KHDRBS2: variants seen among roughly 807,000 people sequenced by gnomAD.
KHDRBS2 encodes the protein KH domain-containing, RNA-binding, signal transduction-associated protein 2.
A neutral mutation model predicts 44.3 loss-of-function variants in KHDRBS2; 26 were observed. That is an observed-to-expected ratio of 0.59 (90% CI 0.43 to 0.81). The LOEUF (loss-of-function observed/expected upper bound fraction) is 0.81. KHDRBS2 is among the 40% of genes least tolerant of loss of function. The pLI, the probability that KHDRBS2 is intolerant of heterozygous loss-of-function variation, is 0.00. For synonymous variants in KHDRBS2, 194 were observed against 151.1 expected (o/e 1.28, Z -2.08); for missense variants, 476 against 433.1 (o/e 1.10, Z -0.88).
chr6:61,688,012 T>C (rs2127540554), intron 8 of KHDRBS2, among the ~76,000 whole-genome samples: 1 of 151,980 alleles, frequency 6.6e-6, no homozygotes, highest in East Asian at 1.9e-4. Flanking sequence ...TTATTGTATT[T>C]AATAAATTGA....
intron 1 of KHDRBS2, among the ~76,000 whole-genome samples, chr6:62,178,528 A>C (rs1414935153): frequency 6.6e-6 from 1 of 151,532 alleles, no homozygotes; most frequent in African/African-American, 2.4e-5. Flanking sequence ...ATGCAAAATC[A>C]ATCACAGCAG....
the KHDRBS2 span, chr6:61,659,047 C>T: frequency 6.6e-6 from 1 of 151,740 alleles, no homozygotes; most frequent in Non-Finnish European, 1.5e-5. Flanking sequence ...AGAAAAGTTC[C>T]TAAATTATGG....
chr6:61,553,407 C>T, the KHDRBS2 span, among the ~76,000 whole-genome samples: 1 of 151,956 alleles, frequency 6.6e-6, no homozygotes, highest in Non-Finnish European at 1.5e-5. Flanking sequence ...CATTATTAGT[C>T]TAGCAAGTAG....
chr6:62,115,415 C>T (rs1331014554), intron 2 of KHDRBS2, among the ~76,000 whole-genome samples: 1 of 152,110 alleles, frequency 6.6e-6, no homozygotes, highest in Non-Finnish European at 1.5e-5. Context: ...TATTTATTGA[C>T]TTCAGAGAGA....
intron 1 of KHDRBS2, among the ~76,000 whole-genome samples, chr6:62,181,202 T>TGTTTAAGTCTTTA (rs1822211277): frequency 6.6e-6 from 1 of 151,764 alleles, no homozygotes. Context: ...AGTGGGATTA[T>TGTTTAAGTCTTTA]ATCAAACAAA....
intron 1 of KHDRBS2, among the ~76,000 whole-genome samples, chr6:62,259,010 C>G (rs1837894654): frequency 6.6e-6 from 1 of 151,966 alleles, no homozygotes; most frequent in Non-Finnish European, 1.5e-5. Flanking sequence ...TTTTCACTTA[C>G]CAAGGCACAG....
In KHDRBS2 at chr6:61,864,127, TC is replaced by T. The variant is rs1260133439; in HGVS notation, c.810+30507del. Reference sequence around the variant, plus strand: ...TTGCGATCCCTCTTTTTTCCTGTTTTCCATTTTTTCTCCTTCCCTTTATTTT... The same window carrying T: ...TTGCGATCCCTCTTTTTTCCTGTTTTCATTTTTTCTCCTTCCCTTTATTTT... On this transcript the variant is annotated intron_variant, in intron 6 of 8. Transcript: ENST00000281156. Among the ~76,000 whole-genome samples, 5 of 152,154 alleles carry T rather than the reference TC, an allele frequency of 3.3e-5. No individual in the cohort carries two copies. In the South Asian group the frequency reaches 6.2e-4, roughly 19 times the overall value.
chr6:61,589,200 T>C, the KHDRBS2 span, among the ~76,000 whole-genome samples: 1 of 152,120 alleles, frequency 6.6e-6, no homozygotes, highest in Non-Finnish European at 1.5e-5. Context: ...CTGTAACAAA[T>C]CTGCATGTTC....
chr6:62,002,388 T>C (rs1310816225), intron 3 of KHDRBS2, among the ~76,000 whole-genome samples: 1 of 151,930 alleles, frequency 6.6e-6, no homozygotes, highest in East Asian at 1.9e-4. Context: ...AGTATTGGGA[T>C]ACTTTTCTGA....
chr6:61,724,170 T>C (rs1294340396), intron 7 of KHDRBS2, among the ~76,000 whole-genome samples: 1 of 152,074 alleles, frequency 6.6e-6, no homozygotes, highest in East Asian at 1.9e-4. Context: ...TTCAATATTG[T>C]TAAAGAAAAG....
Position 62,078,025 on chromosome 6 carries a change from T to G in KHDRBS2, c.220-30031A>C, listed in dbSNP as rs573882284. Among the ~76,000 whole-genome samples, 10 of 152,208 alleles carry G rather than the reference T, an allele frequency of 6.6e-5. No individual in the cohort carries two copies. In the East Asian group the frequency reaches 1.9e-3, roughly 30 times the overall value. ...ATTTGAAAATGCACACGTAGCATCA[T>G]TACAATGGCATTTTTTTGTTGTTTT... is the stretch of plus-strand genomic sequence containing the variant. On this transcript the variant is annotated intron_variant, in intron 2 of 8. Coordinates refer to ENST00000281156, the MANE Select transcript of KHDRBS2 (RefSeq NM_152688.4).
At chr6:61,910,658 C>T (rs1431606820) in intron 4 of KHDRBS2, among the ~76,000 whole-genome samples, 3 of 152,140 alleles carry the variant, frequency 2.0e-5, no homozygotes, top group Non-Finnish European at 4.4e-5. Flanking sequence ...TTTGGCCACA[C>T]AAGGTTTTAA....
At chr6:62,043,408 G>T (rs1164610671) in intron 3 of KHDRBS2, among the ~76,000 whole-genome samples, 1 of 152,012 alleles carries the variant, frequency 6.6e-6, no homozygotes, top group Non-Finnish European at 1.5e-5. Context: ...ATTTCCTGAG[G>T]TATTTTGAAA....
rs1435860088 is a variant in KHDRBS2, at chr6:61,709,487, T to C, written c.894-12234A>G. On this transcript the variant is annotated intron_variant, in intron 7 of 8. Coordinates refer to ENST00000281156, the MANE Select transcript of KHDRBS2 (RefSeq NM_152688.4). ...CTCAAATAAGAAGGAAATATATTTATATATGCTTTTGCTTTTTGAATATAA... is the reference window on the plus strand; with the variant it reads ...CTCAAATAAGAAGGAAATATATTTACATATGCTTTTGCTTTTTGAATATAA... Among the ~76,000 whole-genome samples, 7 of 151,814 alleles carry C rather than the reference T, an allele frequency of 4.6e-5. No individual in the cohort carries two copies. The East Asian group carries it at 1.4e-3, about 30-fold the overall frequency.
At chr6:62,225,818 T>C (rs1353934277) in intron 1 of KHDRBS2, among the ~76,000 whole-genome samples, 1 of 152,076 alleles carries the variant, frequency 6.6e-6, no homozygotes, top group Non-Finnish European at 1.5e-5. Flanking sequence ...TTAGTTTACT[T>C]AGGATGATGG....
the KHDRBS2 span, among the ~76,000 whole-genome samples, chr6:61,544,995 G>A: frequency 1.3e-5 from 2 of 151,978 alleles, no homozygotes; most frequent in African/African-American, 4.8e-5. Flanking sequence ...ACGAGTTAAT[G>A]GGTGCAGCAC....
the KHDRBS2 span, among the ~76,000 whole-genome samples, chr6:61,600,820 C>G: frequency 2.0e-5 from 3 of 152,198 alleles, no homozygotes; most frequent in East Asian, 5.8e-4. Context: ...ACCTCTCTCA[C>G]TATCCCACAA....
chr6:61,885,312 T>C (rs535292409), intron 6 of KHDRBS2, among the ~76,000 whole-genome samples: 51 of 152,306 alleles, frequency 3.3e-4, no homozygotes, highest in Middle Eastern at 3.4e-3. Flanking sequence ...TTGATGGTTA[T>C]GTTATAGCCA....
At chr6:61,919,369 G>C (rs1347828837) in intron 4 of KHDRBS2, among the ~76,000 whole-genome samples, 1 of 151,842 alleles carries the variant, frequency 6.6e-6, no homozygotes, top group African/African-American at 2.4e-5. Context: ...AAATGGGGTT[G>C]AGTAGCTCAC....
Sources: allele counts gnomAD v4.1 joint callset (sites outside exome capture counted in the v4.1 genomes callset), GRCh38; gene constraint gnomAD v4.1.1; transcripts MANE v1.5; gene names NCBI Gene and HGNC (gene_info 2026-07-23, HGNC 2026-07-21).